KITLG: variants seen among roughly 807,000 people sequenced by gnomAD.
KITLG encodes KIT ligand, also known as c-Kit ligand.
A neutral mutation model predicts 34.1 loss-of-function variants in KITLG; 13 were observed. The observed-to-expected ratio is 0.38, with a 90% CI of 0.25 to 0.61. KITLG has a LOEUF of 0.61. Ranked by LOEUF, KITLG falls within the 20% of genes least tolerant of loss-of-function variation. KITLG has a pLI of 0.60. For missense variants in KITLG, 292 were observed against 318.9 expected, an observed-to-expected ratio of 0.92 and a Z score of 0.64; for synonymous variants, 110 against 104.0, an observed-to-expected ratio of 1.06 and a Z score of -0.35.
chr12:88,538,895 T>A (rs537984123), intron 2 of KITLG, among the ~76,000 whole-genome samples: 1 of 152,250 alleles, frequency 6.6e-6, no homozygotes, highest in South Asian at 2.1e-4. Context: ...AGTTACTGGA[T>A]GATGAGCTAA....
intron 1 of KITLG, among the ~76,000 whole-genome samples, chr12:88,557,764 T>C (rs1354262628): frequency 6.6e-6 from 1 of 152,122 alleles, no homozygotes; most frequent in African/African-American, 2.4e-5. Context: ...TAAAAATTCA[T>C]GAAAGTTCTG....
chr12:88,508,876 G>A (rs940701601), intron 6 of KITLG, among the ~76,000 whole-genome samples: 54 of 152,132 alleles, frequency 3.5e-4, no homozygotes, highest in African/African-American at 1.3e-3. Flanking sequence ...GTAAGATTAC[G>A]TGGACTCGTT....
At chr12:88,518,991 T>C (rs1241229159) in intron 3 of KITLG, 124 bp from the exon 4 acceptor site, 1 of 822,138 alleles carries the variant, frequency 1.2e-6, no homozygotes, top group East Asian at 2.7e-5. Context: ...GCCTCTCGAG[T>C]AGCTCAGATT....
At chr12:88,504,025 T>C (rs910155613) in intron 9 of KITLG, among the ~76,000 whole-genome samples, 6 of 152,180 alleles carry the variant, frequency 3.9e-5, no homozygotes, top group African/African-American at 1.2e-4. Flanking sequence ...CTATTAGTAA[T>C]ACTTAATTTT....
chr12:88,564,011 T>C (rs1479649918), intron 1 of KITLG, among the ~76,000 whole-genome samples: 2 of 151,994 alleles, frequency 1.3e-5, no homozygotes, highest in African/African-American at 4.8e-5. Flanking sequence ...AGGAAGGAGA[T>C]GATTTTTTAC....
chr12:88,570,867 C>T (rs2120983328), intron 1 of KITLG, among the ~76,000 whole-genome samples: 1 of 152,308 alleles, frequency 6.6e-6, no homozygotes, highest in Middle Eastern at 3.4e-3. Context: ...GAGTAATTCA[C>T]AGTTATTAAC....
rs2120931564 is a variant in KITLG, at chr12:88,552,931, G to A, written c.16-7066C>T. ...TTTGCCTTACCCATCTCATGAACTA[G>A]TAGTAAGAATCAAATGAGAAACTAT... On this transcript the variant is annotated intron_variant, in intron 1 of 9. Coordinates refer to ENST00000644744, the MANE Select transcript of KITLG (RefSeq NM_000899.5). Among the ~76,000 whole-genome samples the A allele has an allele frequency of 2.0e-5, 3 of 152,258 alleles. No homozygotes were observed. The Middle Eastern group carries it at 0.01, about 518-fold the overall frequency.
At chr12:88,509,104 G>C (rs1869179587) in intron 6 of KITLG, among the ~76,000 whole-genome samples, 1 of 152,090 alleles carries the variant, frequency 6.6e-6, no homozygotes, top group Non-Finnish European at 1.5e-5. Flanking sequence ...CTCCTTAAGA[G>C]GCCATAATCA....
intron 9 of KITLG, among the ~76,000 whole-genome samples, chr12:88,498,262 T>G (rs1047459057): frequency 6.6e-6 from 1 of 152,196 alleles, no homozygotes; most frequent in Non-Finnish European, 1.5e-5. Flanking sequence ...TTGAGATCAT[T>G]ACACAGATTA....
chr12:88,557,131 G>A (rs754028787), intron 1 of KITLG, among the ~76,000 whole-genome samples: 4 of 152,162 alleles, frequency 2.6e-5, no homozygotes, highest in African/African-American at 4.8e-5. Context: ...AGCCCTGAAA[G>A]AGTGGGACTA....
chr12:88,515,401 A>C lies in KITLG; in HGVS notation c.604+133T>G, dbSNP rs190711063. 0.012 allele frequency: 7,394 copies of C among 616,942 alleles called. 67 individuals are homozygous for C. Among genetic ancestry groups the C allele is most frequent in the Non-Finnish European group, 0.016 (5,566 of 343,030 alleles). The allele number at this position is 616,942 out of a possible 1,614,324, so 38.2% of individuals were successfully genotyped here. A position where few individuals can be genotyped will look rare whatever the true frequency, so the allele number is the denominator to read the frequency against. ...TTCTACAAACTTAAGTCTCAAGAAGACCATAAAAGGAATAACAGTAACAGA... is the reference window on the plus strand; with the variant it reads ...TTCTACAAACTTAAGTCTCAAGAAGCCCATAAAAGGAATAACAGTAACAGA... On this transcript the variant is annotated intron_variant, in intron 6 of 9. Coordinates refer to ENST00000644744, the MANE Select transcript of KITLG (RefSeq NM_000899.5).
chr12:88,580,149 G>T, intron 1 of KITLG, 115 bp downstream of exon 1: 1 of 1,120,264 alleles, frequency 8.9e-7, no homozygotes, highest in South Asian at 1.3e-5. Context: ...GTCTCACCCG[G>T]CAGGCACAGC....
chr12:88,578,976 T>C (rs1871920257), intron 1 of KITLG, among the ~76,000 whole-genome samples: 1 of 152,202 alleles, frequency 6.6e-6, no homozygotes, highest in Non-Finnish European at 1.5e-5. Context: ...AAAGCTAACC[T>C]GCTTGTAAGA....
intron 3 of KITLG, among the ~76,000 whole-genome samples, chr12:88,519,342 G>A (rs1192088906): frequency 6.6e-6 from 1 of 152,026 alleles, no homozygotes. Context: ...ATTTTAATGT[G>A]TTATCTTTTC....
At position 88,515,572 on chromosome 12, in the gene KITLG, G is replaced by T. The variant is rs1054992175; in HGVS notation, c.566C>A (p.Ala189Glu). 5 of 1,610,984 alleles carry T rather than the reference G, an allele frequency of 3.1e-6. No homozygotes were observed. The highest frequency in any genetic ancestry group is 3.3e-5 in the Admixed American group (2 of 59,874). The change falls in exon 6 of 10, where the codon GCA becomes GAA. Residue 189 changes from alanine (A) to glutamate (E), a missense_variant. Physicochemically the swap from Ala to Glu is moderately radical, Grantham distance 107 (BLOSUM62 -1). This residue lies in a region of KITLG where 140 missense variants were observed against 111.0 expected (regional missense o/e 1.26). Transcript: ENST00000644744. ...GCTGTCATTCCTAAGGGAGCTGGCT[G>T]CAACAGGGGGTAACATAAATGGTTT... ...VTKPFMLPPV[A>E]ASSLRNDSSS...
chr12:88,528,029 C>T (rs984144232), intron 3 of KITLG, among the ~76,000 whole-genome samples: 1 of 152,122 alleles, frequency 6.6e-6, no homozygotes, highest in Non-Finnish European at 1.5e-5. Context: ...TAAAGCAGCA[C>T]AAATTTGTTA....
intron 6 of KITLG, among the ~76,000 whole-genome samples, chr12:88,507,875 C>T (rs1403498499): frequency 6.6e-6 from 1 of 152,026 alleles, no homozygotes; most frequent in Non-Finnish European, 1.5e-5. Context: ...CCTGGCTCTT[C>T]CATGAGAAGC....
At chr12:88,580,065 C>G (rs1871963731) in intron 1 of KITLG, 199 bp downstream of exon 1, 1 of 632,432 alleles carries the variant, frequency 1.6e-6, no homozygotes, top group East Asian at 2.7e-5. Context: ...CTCAGCACTC[C>G]CACTCCTTTT....
chr12:88,506,894 A>G (rs1869084708), intron 7 of KITLG, 134 bp downstream of exon 7: 1 of 642,388 alleles, frequency 1.6e-6, no homozygotes, highest in Non-Finnish European at 2.7e-6. Context: ...AAACTTTATA[A>G]AATTTAAATT....
Sources: allele counts gnomAD v4.1 joint callset (sites outside exome capture counted in the v4.1 genomes callset), GRCh38; gene constraint gnomAD v4.1.1; regional missense constraint gnomAD v4.1.1; transcripts MANE v1.5; gene names NCBI Gene and HGNC (gene_info 2026-07-23, HGNC 2026-07-21).